Variants in UGT1A10 observed in about 807,000 individuals in gnomAD.
UGT1A10 encodes the protein UDP-glucuronosyltransferase 1A10.
Under a neutral mutation model 45.8 loss-of-function variants are expected in UGT1A10, and 49 were observed. That is an observed-to-expected ratio of 1.07 (90% confidence interval 0.85 to 1.36). The LOEUF (loss-of-function observed/expected upper bound fraction) is 1.36. Ranked by LOEUF, UGT1A10 falls within the 40% of genes most tolerant of loss-of-function variation. The pLI, the probability that UGT1A10 is intolerant of heterozygous loss-of-function variation, is 0.00. For synonymous variants in UGT1A10, 284 were observed against 249.7 expected, an observed-to-expected ratio of 1.14 and a Z score of -1.29; for missense variants, 745 against 668.6, an observed-to-expected ratio of 1.11 and a Z score of -1.26.
chr2:233,753,691 A>G (rs900061019), intron 1 of UGT1A10: 3 of 152,228 alleles, frequency 2.0e-5, no homozygotes, highest in Admixed American at 6.5e-5. Context: ...ACAATATTAC[A>G]GATGCACTTG....
At position 233,636,960 on chromosome 2, in the gene UGT1A10, T is replaced by C. The variant is rs377128796; in HGVS notation, c.438T>C (p.Phe146=). 1 of 1,614,068 alleles carries C rather than the reference T, an allele frequency of 6.2e-7. No individual in the cohort carries two copies. The highest frequency in any genetic ancestry group is 8.5e-7 in the Non-Finnish European group (1 of 1,180,036). ...AGGAGAGTTCTTTTGATGCAGTGTT[T>C]CTGGATCCTTTTGATACCTGTGGCT... ...YLKESSFDAV[F]LDPFDTCGLI... Residue 146 remains phenylalanine, a synonymous_variant, in exon 1 of 5, where the codon TTT becomes TTC. Transcript: ENST00000344644.
chr2:233,693,866 G>T (rs781082829), intron 1 of UGT1A10: 5 of 1,614,054 alleles, frequency 3.1e-6, no homozygotes, highest in Non-Finnish European at 4.2e-6. Flanking sequence ...CTTGTCTCAG[G>T]TTGGTGGGTT....
At chr2:233,755,027 C>T (rs759197919) in intron 1 of UGT1A10, 2 of 1,309,218 alleles carry the variant, frequency 1.5e-6, no homozygotes, top group African/African-American at 3.0e-5. Flanking sequence ...CCTTGAAGGG[C>T]CTGCCGCCTG....
chr2:233,730,058 A>C, intron 1 of UGT1A10: 3 of 1,611,656 alleles, frequency 1.9e-6, no homozygotes, highest in Non-Finnish European at 2.5e-6. Context: ...AAATGTATTT[A>C]TTTAAAATTG....
At chr2:233,744,133 C>T in intron 1 of UGT1A10, 1 of 354,200 alleles carries the variant, frequency 2.8e-6, no homozygotes, top group Non-Finnish European at 5.4e-6. Context: ...TCTGTGAGGC[C>T]CTGTGATGCT....
intron 1 of UGT1A10, chr2:233,693,668 T>C: frequency 6.2e-7 from 1 of 1,614,236 alleles, no homozygotes; most frequent in South Asian, 1.1e-5. Context: ...GCCCTATCTA[T>C]TTTATTGTCT....
rs751107175 is a variant in UGT1A10, at chr2:233,761,195, A to G, written c.856-5839A>G. On this transcript the variant is annotated intron_variant, in intron 1 of 4. Coordinates refer to ENST00000344644, the MANE Select transcript of UGT1A10 (RefSeq NM_019075.4). ...CTTTTACATGCGTATATTCTTTCAG[A>G]TGTATTACTTTGGATCGATTAACTA... The G allele has an allele frequency of 4.3e-6, 7 of 1,613,994 alleles. No individual in the cohort carries two copies. The African/African-American group carries it at 8.0e-5, about 18-fold the overall frequency.
intron 1 of UGT1A10, among the ~76,000 whole-genome samples, chr2:233,646,790 C>G (rs2073614725): frequency 6.6e-6 from 1 of 152,192 alleles, no homozygotes; most frequent in Admixed American, 6.5e-5. Context: ...ATTTTCCTGT[C>G]TTCTTCTGAG....
intron 1 of UGT1A10, chr2:233,738,901 C>A (rs1400656739): frequency 1.3e-5 from 2 of 152,162 alleles, no homozygotes; most frequent in Non-Finnish European, 2.9e-5. Context: ...TGCAGCAGAC[C>A]CTCCCATCAC....
intron 1 of UGT1A10, chr2:233,692,952 G>A (rs1328782904): frequency 6.2e-7 from 1 of 1,605,070 alleles, no homozygotes; most frequent in African/African-American, 1.3e-5. Context: ...GGAGCCCTGT[G>A]ATTTGGAGAG....
intron 1 of UGT1A10, among the ~76,000 whole-genome samples, chr2:233,702,648 A>G (rs1396425709): frequency 6.6e-6 from 1 of 152,146 alleles, no homozygotes; most frequent in East Asian, 1.9e-4. Context: ...ATCTATTCCT[A>G]GCTCGTTGAG....
At chr2:233,667,585 G>A (rs1229353444) in intron 1 of UGT1A10, among the ~76,000 whole-genome samples, 1 of 152,168 alleles carries the variant, frequency 6.6e-6, no homozygotes, top group Non-Finnish European at 1.5e-5. Context: ...TACCATCAGA[G>A]TGAACAGGCA....
intron 1 of UGT1A10, among the ~76,000 whole-genome samples, chr2:233,655,346 C>T (rs958844641): frequency 1.3e-5 from 2 of 152,150 alleles, no homozygotes; most frequent in African/African-American, 4.8e-5. Flanking sequence ...CAGTTTAACA[C>T]TGGAAGTCTC....
At chr2:233,757,771 A>G (rs925177118) in intron 1 of UGT1A10, among the ~76,000 whole-genome samples, 1 of 151,622 alleles carries the variant, frequency 6.6e-6, no homozygotes, top group Non-Finnish European at 1.5e-5. Context: ...CTTTAGTAAT[A>G]AGCCTGTCAT....
chr2:233,653,162 A>T (rs2073780227), intron 1 of UGT1A10, among the ~76,000 whole-genome samples: 1 of 152,242 alleles, frequency 6.6e-6, no homozygotes, highest in Admixed American at 6.5e-5. Flanking sequence ...ACGTCCTACA[A>T]ATGTAATTCC....
intron 1 of UGT1A10, among the ~76,000 whole-genome samples, chr2:233,742,222 G>C (rs1373280517): frequency 2.0e-5 from 3 of 151,942 alleles, no homozygotes; most frequent in Non-Finnish European, 4.4e-5. Context: ...TCAGGGCTGA[G>C]AGCCCCAAAC....
Position 233,683,904 on chromosome 2 carries a change from C to T in UGT1A10, c.855+46527C>T, listed in dbSNP as rs548242603. ...CTGGTATTTATACCTCTTATTTTGGCGGAGCATATAGTTCCAAAATATTAT... is the reference window on the plus strand; with the variant it reads ...CTGGTATTTATACCTCTTATTTTGGTGGAGCATATAGTTCCAAAATATTAT... On this transcript the variant is annotated intron_variant, in intron 1 of 4. Transcript: ENST00000344644. 3.3e-5 allele frequency among the ~76,000 whole-genome samples: 5 copies of T among 152,148 alleles called. No individual in the cohort carries two copies. The South Asian group carries it at 6.2e-4, about 19-fold the overall frequency.
At chr2:233,641,737 A>T (rs1381168548) in intron 1 of UGT1A10, among the ~76,000 whole-genome samples, 1 of 151,848 alleles carries the variant, frequency 6.6e-6, no homozygotes, top group East Asian at 1.9e-4. Context: ...GAAAGTCTTT[A>T]TTTCTCCTTC....
intron 1 of UGT1A10, among the ~76,000 whole-genome samples, chr2:233,750,418 A>G (rs1270471550): frequency 3.3e-5 from 5 of 151,986 alleles, no homozygotes; most frequent in East Asian, 1.9e-4. Context: ...GTGGTAGAAA[A>G]GAAAAACCCA....
Sources: gnomAD v4.1 joint callset for allele counts (sites outside exome capture counted in the v4.1 genomes callset) on GRCh38, gnomAD v4.1.1 for gene constraint, MANE v1.5 for transcripts, NCBI Gene and HGNC (gene_info 2026-07-23, HGNC 2026-07-21) for gene names.